Variants in ABR observed in about 807,000 individuals in gnomAD.
ABR encodes ABR activator of RhoGEF and GTPase.
A neutral mutation model predicts 107.2 loss-of-function variants in ABR; 35 were observed. The observed-to-expected ratio is 0.33, with a 90% CI of 0.25 to 0.43. The LOEUF (loss-of-function observed/expected upper bound fraction) is 0.43. ABR is among the 20% of genes least tolerant of loss of function. The probability of loss-of-function intolerance (pLI) is 1.00; values close to 1 mark genes in which losing one functional copy is unlikely to be tolerated. For synonymous variants in ABR, 498 were observed against 462.0 expected (o/e 1.08, Z -1.00); for missense variants, 815 against 1,115.2 (o/e 0.73, Z 3.83).
rs1458467907 is a variant in ABR, at chr17:1,073,540, G to A, written c.753+85C>T. ...CTGATTCCCCAGGTGGACTGTTCTC[G>A]GTGACTCCAGCACCCTCTCACCCAG... On this transcript the variant is annotated intron_variant, in intron 7 of 22. Transcript: ENST00000302538. 1.3e-5 allele frequency: 15 copies of A among 1,141,902 alleles called. No individual in the cohort carries two copies. The South Asian group carries it at 1.4e-4, about 10-fold the overall frequency. 70.7% of individuals were successfully genotyped at this position (1,141,902 alleles called of 1,614,324 possible). A position where few individuals can be genotyped will look rare whatever the true frequency, so the allele number is the denominator to read the frequency against.
chr17:1,113,278 ATTTTTT>A (rs33922708), intron 2 of ABR, among the ~76,000 whole-genome samples: 1 of 104,118 alleles, frequency 9.6e-6, no homozygotes, highest in African/African-American at 3.8e-5. Flanking sequence ...ACCTATTGCG[ATTTTTT>A]TTTTTTTTTT....
chr17:1,189,350 C>CTTTTTTTTTTTTT (rs202096936), upstream of ABR, among the ~76,000 whole-genome samples: 1 of 137,698 alleles, frequency 7.3e-6, no homozygotes, highest in African/African-American at 2.7e-5. Flanking sequence ...CTATGGCTTC[C>CTTTTTTTTTTTTT]TTTTTTTTTT....
intron 2 of ABR, among the ~76,000 whole-genome samples, chr17:1,124,717 AG>A (rs1158073681): frequency 1.3e-5 from 2 of 152,344 alleles, no homozygotes; most frequent in East Asian, 3.9e-4. Flanking sequence ...TGAACAGAGG[AG>A]GGCTGGAGCG....
Position 1,125,352 on chromosome 17 carries a change from G to A in ABR, c.77C>T (p.Thr26Met), listed in dbSNP as rs765728859. ...ATTCCCCTCTCCGTCGTACTCGTCC[G>A]TCCCGTAGCTGAAGTCTGAGACAAG... Reference protein sequence around the residue: ...DTLYSNFSYGTDEYDGEGNEE... With the variant: ...DTLYSNFSYGMDEYDGEGNEE... Residue 26 changes from threonine to methionine, a missense_variant, in exon 2 of 23, where the codon ACG becomes ATG. Transcript: ENST00000302538. 9 of 1,613,566 alleles carry A rather than the reference G, an allele frequency of 5.6e-6. No individual in the cohort carries two copies. The highest frequency in any genetic ancestry group is 1.7e-5 in the Admixed American group (1 of 60,028).
chr17:1,155,760 T>C (rs758394134), intron 1 of ABR, among the ~76,000 whole-genome samples: 1 of 151,720 alleles, frequency 6.6e-6, no homozygotes, highest in South Asian at 2.1e-4. Context: ...GGTCAGGAGT[T>C]TGAGACCAGC....
intron 5 of ABR, 71 bp from the exon 6 acceptor site, chr17:1,079,461 G>C (rs1010682600): frequency 7.1e-7 from 1 of 1,405,998 alleles, no homozygotes. Flanking sequence ...TGTGAGCCTG[G>C]CAAGAAGGGG....
chr17:1,226,572 GTGCA>G (rs1215170580), intron 1 of ABR, among the ~76,000 whole-genome samples: 3 of 151,894 alleles, frequency 2.0e-5, no homozygotes, highest in Admixed American at 6.5e-5. Context: ...AGGTATGTGT[GTGCA>G]TGCATTTATG....
At position 1,079,788 on chromosome 17, in the gene ABR, C is replaced by CAAAAAA. The variant is rs57412625; in HGVS notation, c.640-404_640-399dup. Among the ~76,000 whole-genome samples the CAAAAAA allele has an allele frequency of 1.1e-3, 59 of 55,108 alleles. 2 individuals carry two copies. The highest frequency in any genetic ancestry group is 2.0e-3 in the African/African-American group (35 of 17,792). 36.2% of individuals were successfully genotyped at this position (55,108 alleles called of 152,430 possible). A position where few individuals can be genotyped will look rare whatever the true frequency, so the allele number is the denominator to read the frequency against. On this transcript the variant is annotated intron_variant, in intron 5 of 22. Transcript: ENST00000302538. ...TGGGCAACAGGGCGAGACTCTGTCT[C>CAAAAAA]AAAAAAAAAAAAAAAAAAAAAAAAA...
At chr17:1,144,634 G>A (rs1376454384) in intron 1 of ABR, among the ~76,000 whole-genome samples, 1 of 151,570 alleles carries the variant, frequency 6.6e-6, no homozygotes, top group Non-Finnish European at 1.5e-5. Context: ...GCTCACGCCT[G>A]CAATCCCAGC....
chr17:1,046,618 C>T (rs1321055376), intron 16 of ABR, among the ~76,000 whole-genome samples: 1 of 152,210 alleles, frequency 6.6e-6, no homozygotes, highest in Non-Finnish European at 1.5e-5. Context: ...AAAGGACGCT[C>T]ACCTTATGCC....
At chr17:1,067,837 G>A (rs1206087603) in intron 9 of ABR, among the ~76,000 whole-genome samples, 1 of 152,254 alleles carries the variant, frequency 6.6e-6, no homozygotes, top group Non-Finnish European at 1.5e-5. Flanking sequence ...ACGACAGGCA[G>A]AAGCATGTGT....
At chr17:1,016,316 T>TC (rs1469773512) in intron 16 of ABR, among the ~76,000 whole-genome samples, 1 of 139,182 alleles carries the variant, frequency 7.2e-6, no homozygotes, top group Non-Finnish European at 1.6e-5. Context: ...CCCCAACGTT[T>TC]CTTTTTTTTT....
chr17:1,167,919 G>A lies in ABR; in HGVS notation c.61+11748C>T, dbSNP rs540480508. Among the ~76,000 whole-genome samples the A allele has an allele frequency of 5.9e-5, 9 of 152,308 alleles. No individual in the cohort carries two copies. The East Asian group carries it at 7.7e-4, about 13-fold the overall frequency. ...TGTAATCCCAGCACTTTGGGAGGCC[G>A]AGGCGGACAGATCACTTGAGGTCAG... On this transcript the variant is annotated intron_variant, in intron 1 of 22. Coordinates refer to ENST00000302538, the MANE Select transcript of ABR (RefSeq NM_021962.5).
intron 16 of ABR, among the ~76,000 whole-genome samples, chr17:1,042,666 C>T (rs1476627165): frequency 6.6e-6 from 1 of 152,066 alleles, no homozygotes; most frequent in East Asian, 1.9e-4. Flanking sequence ...GTGGCACCTA[C>T]ATCCACAGAT....
intron 1 of ABR, among the ~76,000 whole-genome samples, chr17:1,127,327 G>C (rs2039645066): frequency 6.6e-6 from 1 of 152,234 alleles, no homozygotes; most frequent in Non-Finnish European, 1.5e-5. Flanking sequence ...ACCTGGGCAG[G>C]ACCCAGGATG....
At chr17:1,025,000 A>C (rs1265432969) in intron 16 of ABR, among the ~76,000 whole-genome samples, 1 of 149,118 alleles carries the variant, frequency 6.7e-6, no homozygotes, top group African/African-American at 2.5e-5. Flanking sequence ...GGGCGCCTGT[A>C]GTCCCAGCTA....
intron 1 of ABR, among the ~76,000 whole-genome samples, chr17:1,135,209 G>A (rs1262495646): frequency 6.6e-6 from 1 of 152,156 alleles, no homozygotes; most frequent in Non-Finnish European, 1.5e-5. Flanking sequence ...AGAGGGCCGT[G>A]CTGGAGAGGA....
At chr17:1,091,881 G>A in intron 3 of ABR, 31 bp from the exon 4 acceptor site, 1 of 1,597,138 alleles carries the variant, frequency 6.3e-7, no homozygotes, top group Non-Finnish European at 8.5e-7. Flanking sequence ...AAGAGCAGAG[G>A]TCGGGGGTAA....
intron 16 of ABR, chr17:1,031,751 G>C: frequency 1.6e-6 from 2 of 1,236,368 alleles, no homozygotes; most frequent in African/African-American, 1.6e-5. Context: ...TGCCGGGGGG[G>C]ACGGGACGCG....
Sources: allele counts gnomAD v4.1 joint callset (sites outside exome capture counted in the v4.1 genomes callset), GRCh38; gene constraint gnomAD v4.1.1; transcripts MANE v1.5; gene names NCBI Gene and HGNC (gene_info 2026-07-23, HGNC 2026-07-21).